MGAT1: variants seen among roughly 807,000 people sequenced by gnomAD.
MGAT1 encodes N-glycosyl-oligosaccharide-glycoprotein N-acetylglucosaminyltransferase I.
MGAT1 carries 14 observed loss-of-function variants against 31.7 expected under a neutral mutation model. That is an observed-to-expected ratio of 0.44 (90% CI 0.29 to 0.69). The LOEUF is 0.69. Among genes scored for constraint, MGAT1 ranks in the 30% least tolerant of loss-of-function variants. The pLI, the probability that MGAT1 is intolerant of heterozygous loss-of-function variation, is 0.12. For missense variants in MGAT1, 557 were observed against 626.0 expected, an observed-to-expected ratio of 0.89 and a Z score of 1.18; for synonymous variants, 338 against 276.0, an observed-to-expected ratio of 1.22 and a Z score of -2.23.
upstream of MGAT1, among the ~76,000 whole-genome samples, chr5:180,805,437 G>A (rs1025922041): frequency 6.6e-6 from 1 of 152,206 alleles, no homozygotes; most frequent in Non-Finnish European, 1.5e-5. Context: ...TAAAACATAT[G>A]TTGGCTTGAA....
rs763529224 is a variant in MGAT1, at chr5:180,791,745, C to T, written c.1227G>A (p.Ser409=). The change falls in exon 2 of 2, where the codon TCG becomes TCA. Residue 409 remains serine (S), a synonymous_variant. Transcript: ENST00000307826. The part of the protein sequence containing the change: ...KALGVMDDLK[S]GVPRAGYRGI... ...CCCGGTAGCCAGCTCTCGGAACCCC[C>T]GACTTAAGGTCATCCATGACACCCA... is the stretch of plus-strand genomic sequence containing the variant. 5 of 1,613,464 alleles carry T rather than the reference C, an allele frequency of 3.1e-6. No homozygotes were observed. The highest frequency in any genetic ancestry group is 1.3e-5 in the African/African-American group (1 of 74,912).
At position 180,786,477 on chromosome 5, in the gene MGAT1, G is replaced by A. The variant is rs1002418173; in HGVS notation, c.*5157C>T. On this transcript the variant is annotated 3_prime_UTR_variant, in exon 2 of 2. Transcript: ENST00000307826. The stretch of plus-strand genomic sequence containing the variant: ...TACAATCACTCCCTTCTTAGTAACA[G>A]GAATCTTAATTTGATTCAGCTTCAG... The A allele has an allele frequency of 2.0e-5, 3 of 152,174 alleles. No individual in the cohort carries two copies. Among genetic ancestry groups the A allele is most frequent in the Non-Finnish European group, 4.4e-5 (3 of 68,070 alleles). 9.4% of individuals were successfully genotyped at this position (152,174 alleles called of 1,614,324 possible). A position where few individuals can be genotyped will look rare whatever the true frequency, so the allele number is the denominator to read the frequency against.
At chr5:180,794,977 T>C (rs1769025103) in intron 1 of MGAT1, among the ~76,000 whole-genome samples, 1 of 152,190 alleles carries the variant, frequency 6.6e-6, no homozygotes, top group Non-Finnish European at 1.5e-5. Flanking sequence ...GGTTTACTCA[T>C]AGAATGGAAT....
chr5:180,800,877 ATGAT>A (rs1436642795), intron 1 of MGAT1, among the ~76,000 whole-genome samples: 1 of 152,220 alleles, frequency 6.6e-6, no homozygotes, highest in African/African-American at 2.4e-5. Context: ...TGAGTTCCTA[ATGAT>A]GTCATTTATG....
In MGAT1 at chr5:180,791,583, C is replaced by T; in HGVS notation, c.*51G>A. The T allele has an allele frequency of 6.3e-7, 1 of 1,588,736 alleles. No individual in the cohort carries two copies. The highest frequency in any genetic ancestry group is 8.6e-7 in the Non-Finnish European group (1 of 1,166,444). ...CGATGCAGCCTGGGGACTGTGGTCC[C>T]ACCTCAGCTCATGATGTGGCAAGGA... On this transcript the variant is annotated 3_prime_UTR_variant, in exon 2 of 2. Transcript: ENST00000307826.
intron 1 of MGAT1, among the ~76,000 whole-genome samples, chr5:180,796,964 T>C (rs770846917): frequency 5.3e-5 from 8 of 152,200 alleles, no homozygotes; most frequent in Non-Finnish European, 8.8e-5. Flanking sequence ...ATGTTGGAAC[T>C]TTCCCTCCAA....
chr5:180,802,334 A>AG (rs1770973446), intron 1 of MGAT1, among the ~76,000 whole-genome samples: 1 of 152,164 alleles, frequency 6.6e-6, no homozygotes, highest in Non-Finnish European at 1.5e-5. Context: ...GAGTGAGGTT[A>AG]GGGGGGAAAG....
intron 1 of MGAT1, among the ~76,000 whole-genome samples, 151 bp downstream of exon 1, chr5:180,802,529 C>A (rs1163796988): frequency 1.3e-5 from 2 of 152,136 alleles, no homozygotes; most frequent in Non-Finnish European, 2.9e-5. Flanking sequence ...CAGCTGGCAC[C>A]GGGTCGGACC....
chr5:180,799,744 G>C (rs1194555092), intron 1 of MGAT1, among the ~76,000 whole-genome samples: 1 of 152,198 alleles, frequency 6.6e-6, no homozygotes, highest in Non-Finnish European at 1.5e-5. Context: ...AAGTGATAAA[G>C]ACACTCCTGC....
At chr5:180,795,298 T>TATATAC (rs549042117) in intron 1 of MGAT1, 212 of 149,016 alleles carry the variant, frequency 1.4e-3, no homozygotes, top group African/African-American at 3.9e-3. Context: ...TATATATATA[T>TATATAC]ACACACACAC....
chr5:180,807,354 C>T (rs1356175772), upstream of MGAT1, among the ~76,000 whole-genome samples: 1 of 152,056 alleles, frequency 6.6e-6, no homozygotes, highest in Non-Finnish European at 1.5e-5. Flanking sequence ...TGTGTGTTGT[C>T]CCTGGGAAAA....
chr5:180,791,526 TA>T lies in MGAT1; in HGVS notation c.*107del. ...ATGCCACTCGGAAAAATCAAAAAGATAAATGCACCTAAGAGGGAAACACAGG... is the reference window on the plus strand; with the variant it reads ...ATGCCACTCGGAAAAATCAAAAAGATAATGCACCTAAGAGGGAAACACAGG... On this transcript the variant is annotated 3_prime_UTR_variant, in exon 2 of 2. Coordinates refer to ENST00000307826, the MANE Select transcript of MGAT1 (RefSeq NM_002406.4). 1.5e-6 allele frequency: 2 copies of T among 1,362,776 alleles called. No homozygotes were observed. Among genetic ancestry groups the T allele is most frequent in the Non-Finnish European group, 2.0e-6 (2 of 994,584 alleles). The allele number at this position is 1,362,776 out of a possible 1,614,324, so 84.4% of individuals were successfully genotyped here. A position where few individuals can be genotyped will look rare whatever the true frequency, so the allele number is the denominator to read the frequency against.
chr5:180,791,723 G>A lies in MGAT1; in HGVS notation c.1249C>T (p.Arg417Trp), dbSNP rs143215737. The A allele has an allele frequency of 4.8e-5, 78 of 1,613,882 alleles. No homozygotes were observed. Among genetic ancestry groups the A allele is most frequent in the East Asian group, 6.7e-5 (3 of 44,868 alleles). Reference protein sequence around the residue: ...LKSGVPRAGYRGIVTFQFRGR... With the variant: ...LKSGVPRAGYWGIVTFQFRGR... The stretch of plus-strand genomic sequence containing the variant: ...CGGAACTGGAAGGTGACAATACCCC[G>A]GTAGCCAGCTCTCGGAACCCCCGAC... Residue 417 changes from arginine to tryptophan, a missense_variant, in exon 2 of 2, where the codon CGG (arginine) becomes TGG (tryptophan). By Grantham distance (101) the Arg-to-Trp change is moderately radical. Around this residue, in one of 3 missense-constraint regions of MGAT1, gnomAD observed 145 missense variants for 143.2 expected, o/e 1.01. Coordinates refer to ENST00000307826, the MANE Select transcript of MGAT1 (RefSeq NM_002406.4).
chr5:180,800,239 C>T (rs531874657), intron 1 of MGAT1, among the ~76,000 whole-genome samples: 155 of 152,304 alleles, frequency 1.0e-3, no homozygotes, highest in South Asian at 3.7e-3. Context: ...ACACTGAGGC[C>T]CTGTCTCCAC....
chr5:180,788,848 T>C lies in MGAT1; in HGVS notation c.*2786A>G, dbSNP rs139058132. 2 of 152,496 alleles carry C rather than the reference T, an allele frequency of 1.3e-5. No individual in the cohort carries two copies. Among genetic ancestry groups the C allele is most frequent in the African/African-American group, 4.8e-5 (2 of 41,544 alleles). The allele number at this position is 152,496 out of a possible 1,614,324, so 9.4% of individuals were successfully genotyped here. ...TTATCCTGGAGCACTAAGTTGGTAC[T>C]TATCCTGGAGCACTAAGTAAGTTGG... On this transcript the variant is annotated 3_prime_UTR_variant, in exon 2 of 2. Coordinates refer to ENST00000307826, the MANE Select transcript of MGAT1 (RefSeq NM_002406.4).
At chr5:180,806,829 G>A (rs1177070276), upstream of MGAT1, among the ~76,000 whole-genome samples, 3 of 152,368 alleles carry the variant, frequency 2.0e-5, no homozygotes, top group Non-Finnish European at 2.9e-5. Context: ...GGCTGAGGAG[G>A]CACCGTGGCA....
At chr5:180,811,609 AC>A (rs1158325005) in intron 1 of MGAT1, among the ~76,000 whole-genome samples, 2 of 149,932 alleles carry the variant, frequency 1.3e-5, no homozygotes, top group Admixed American at 6.6e-5. Flanking sequence ...CAACACCTCA[AC>A]ATGTCCACAC....
At position 180,802,712 on chromosome 5, in the gene MGAT1, G is replaced by T. The variant is rs569852827; in HGVS notation, c.-159C>A. 1.0e-3 allele frequency: 153 copies of T among 152,352 alleles called. No individual in the cohort carries two copies. The highest frequency in any genetic ancestry group is 1.8e-3 in the Non-Finnish European group (125 of 68,078). The allele number at this position is 152,352 out of a possible 1,614,324, so 9.4% of individuals were successfully genotyped here. On this transcript the variant is annotated 5_prime_UTR_variant, in exon 1 of 2. Transcript: ENST00000307826. Reference sequence around the variant, plus strand: ...TCCCGACGTCCTGGCCCCGAACTTGGCCTGCTCCGGGGCGCAGGGAGCGAG... The same window carrying T: ...TCCCGACGTCCTGGCCCCGAACTTGTCCTGCTCCGGGGCGCAGGGAGCGAG...
intron 1 of MGAT1, among the ~76,000 whole-genome samples, chr5:180,811,838 C>T (rs1203658275): frequency 6.6e-6 from 1 of 152,252 alleles, no homozygotes; most frequent in Non-Finnish European, 1.5e-5. Context: ...CTGCTCTCCC[C>T]TTCCTCTGTT....
Sources: gnomAD v4.1 joint callset for allele counts (sites outside exome capture counted in the v4.1 genomes callset) on GRCh38, gnomAD v4.1.1 for gene constraint, gnomAD v4.1.1 regional missense constraint, MANE v1.5 for transcripts, NCBI Gene and HGNC (gene_info 2026-07-23, HGNC 2026-07-21) for gene names.